Variants in ERC2 observed in about 807,000 individuals in gnomAD.
ERC2 encodes ERC protein 2.
ERC2 carries 42 observed loss-of-function variants against 114.8 expected under a neutral mutation model. The ratio of observed to expected loss-of-function variants is 0.37; its 90% CI spans 0.29 to 0.47. The LOEUF is 0.47. Among genes scored for constraint, ERC2 ranks in the 20% least tolerant of loss-of-function variants. ERC2 has a pLI of 0.99. For synonymous variants in ERC2, 454 were observed against 425.5 expected, an observed-to-expected ratio of 1.07 and a Z score of -0.82; for missense variants, 939 against 1,150.7, an observed-to-expected ratio of 0.82 and a Z score of 2.66.
chr3:56,263,932 T>G (rs1576159240), intron 3 of ERC2, among the ~76,000 whole-genome samples: 1 of 152,142 alleles, frequency 6.6e-6, no homozygotes, highest in Admixed American at 6.5e-5. Flanking sequence ...CTGAATTTGA[T>G]AATACATCAA....
chr3:56,295,001 G>A (rs2055337593), intron 3 of ERC2, among the ~76,000 whole-genome samples: 1 of 152,182 alleles, frequency 6.6e-6, no homozygotes, highest in Non-Finnish European at 1.5e-5. Flanking sequence ...ACCCACATCA[G>A]AGCAAATTCC....
chr3:56,297,389 T>C (rs73086435), intron 2 of ERC2, among the ~76,000 whole-genome samples: 1 of 152,006 alleles, frequency 6.6e-6, no homozygotes, highest in African/African-American at 2.4e-5. Flanking sequence ...AAACAGAAAG[T>C]CTTGAAAGTA....
chr3:55,836,198 A>C (rs2060875328), intron 14 of ERC2, among the ~76,000 whole-genome samples: 2 of 152,206 alleles, frequency 1.3e-5, no homozygotes, highest in African/African-American at 4.8e-5. Context: ...TTATAGATTC[A>C]ATGCCATCCC....
chr3:55,909,501 C>A (rs145153313), intron 13 of ERC2, among the ~76,000 whole-genome samples: 4 of 151,986 alleles, frequency 2.6e-5, no homozygotes, highest in Non-Finnish European at 4.4e-5. Context: ...TTTCTGCCTG[C>A]GGTGGCTGTG....
At chr3:55,821,815 T>C (rs947606769) in intron 14 of ERC2, among the ~76,000 whole-genome samples, 28 of 152,232 alleles carry the variant, frequency 1.8e-4, no homozygotes, top group African/African-American at 6.3e-4. Context: ...GACTATCTGA[T>C]GATGGAGAAT....
At chr3:55,801,797 C>A (rs1289810592) in intron 14 of ERC2, among the ~76,000 whole-genome samples, 2 of 152,124 alleles carry the variant, frequency 1.3e-5, no homozygotes, top group Non-Finnish European at 2.9e-5. Context: ...ACCATTAAAC[C>A]AAGTACAAGG....
rs183770029 is a variant in ERC2, at chr3:56,409,647, G to C, written c.657+24704C>G. On this transcript the variant is annotated intron_variant, in intron 2 of 17. Coordinates refer to ENST00000288221, the MANE Select transcript of ERC2 (RefSeq NM_015576.3). ...TGGAGATAGGGAGAAAAGTAGACAGGGAGAGAAAAAATCATAGCTAGGATA... is the reference window on the plus strand; with the variant it reads ...TGGAGATAGGGAGAAAAGTAGACAGCGAGAGAAAAAATCATAGCTAGGATA... Among the ~76,000 whole-genome samples the C allele has an allele frequency of 2.0e-5, 3 of 152,078 alleles. No homozygotes were observed. In the East Asian group the frequency reaches 5.8e-4, roughly 29 times the overall value.
chr3:55,594,226 CAGA>C (rs1238122316), intron 17 of ERC2, among the ~76,000 whole-genome samples: 2 of 152,130 alleles, frequency 1.3e-5, no homozygotes, highest in Non-Finnish European at 2.9e-5. Context: ...CAAGGAAAGA[CAGA>C]AGAACATCAA....
At chr3:55,880,633 A>T (rs1038912014) in intron 14 of ERC2, among the ~76,000 whole-genome samples, 2 of 152,174 alleles carry the variant, frequency 1.3e-5, no homozygotes, top group African/African-American at 4.8e-5. Flanking sequence ...GTTCTAGCTG[A>T]TTTAAATACC....
intron 14 of ERC2, among the ~76,000 whole-genome samples, chr3:55,817,634 G>C (rs1198364561): frequency 1.3e-5 from 2 of 152,166 alleles, no homozygotes; most frequent in African/African-American, 4.8e-5. Context: ...ATCTCCTTGG[G>C]CTCAGGGGCC....
At chr3:55,872,781 G>A (rs2062643881) in intron 14 of ERC2, among the ~76,000 whole-genome samples, 1 of 152,118 alleles carries the variant, frequency 6.6e-6, no homozygotes, top group Non-Finnish European at 1.5e-5. Context: ...AGAGGTGCTG[G>A]GCATGAGCCA....
At chr3:55,653,504 C>T (rs189614518) in intron 17 of ERC2, among the ~76,000 whole-genome samples, 7 of 151,770 alleles carry the variant, frequency 4.6e-5, no homozygotes, top group African/African-American at 9.7e-5. Context: ...CCACAATACA[C>T]AAAGTGCAAA....
intron 17 of ERC2, among the ~76,000 whole-genome samples, chr3:55,573,986 T>C (rs1350402103): frequency 4.6e-5 from 7 of 152,186 alleles, no homozygotes; most frequent in Non-Finnish European, 1.0e-4. Flanking sequence ...GGGAACACAC[T>C]CATTTATCCT....
intron 2 of ERC2, among the ~76,000 whole-genome samples, chr3:56,358,885 A>G (rs2150551496): frequency 6.6e-6 from 1 of 152,374 alleles, no homozygotes; most frequent in East Asian, 1.9e-4. Flanking sequence ...TCTTAGTGTC[A>G]CTATTAATGC....
chr3:55,692,746 T>A (rs944118177), intron 16 of ERC2, among the ~76,000 whole-genome samples: 10 of 152,200 alleles, frequency 6.6e-5, no homozygotes, highest in Non-Finnish European at 1.0e-4. Flanking sequence ...TTCAGTACTG[T>A]AAGCATCTGC....
chr3:55,801,235 A>T (rs1359035833), intron 14 of ERC2, among the ~76,000 whole-genome samples: 1 of 152,204 alleles, frequency 6.6e-6, no homozygotes, highest in African/African-American at 2.4e-5. Context: ...TTTTCTTAAG[A>T]CGCCCATAAA....
chr3:55,790,636 T>C (rs529090134), intron 14 of ERC2, among the ~76,000 whole-genome samples: 46 of 152,190 alleles, frequency 3.0e-4, no homozygotes, highest in Non-Finnish European at 6.2e-4. Context: ...CACCTCCAGA[T>C]AAGCTACTTG....
At position 56,265,031 on chromosome 3, in the gene ERC2, C is replaced by T. The variant is rs1423632740; in HGVS notation, c.1074+30988G>A. Among the ~76,000 whole-genome samples the T allele has an allele frequency of 1.3e-5, 2 of 152,238 alleles. 1 individual carries two copies. The highest frequency in any genetic ancestry group is 6.8e-3 in the Middle Eastern group (2 of 294). On this transcript the variant is annotated intron_variant, in intron 3 of 17. Coordinates refer to ENST00000288221, the MANE Select transcript of ERC2 (RefSeq NM_015576.3). ...ATATTGTCAAACTATCCATACTATC[C>T]AAAGCAGTCTACAGGTTCAACATAA...
chr3:55,837,296 C>T (rs528483685), intron 14 of ERC2, among the ~76,000 whole-genome samples: 3 of 152,224 alleles, frequency 2.0e-5, no homozygotes, highest in South Asian at 2.1e-4. Flanking sequence ...TATAAAGACA[C>T]GTGCACATGT....
Sources: gnomAD v4.1 joint callset for allele counts (sites outside exome capture counted in the v4.1 genomes callset) on GRCh38, gnomAD v4.1.1 for gene constraint, MANE v1.5 for transcripts, NCBI Gene and HGNC (gene_info 2026-07-23, HGNC 2026-07-21) for gene names.